ABCC4: variants seen among roughly 807,000 people sequenced by gnomAD.
ABCC4 encodes ATP binding cassette subfamily C member 4 (PEL blood group).
A neutral mutation model predicts 168.5 loss-of-function variants in ABCC4; 102 were observed. The observed-to-expected ratio is 0.61, with a 90% CI of 0.52 to 0.71. ABCC4 has a LOEUF of 0.71. ABCC4 is among the 30% of genes least tolerant of loss of function. The pLI, the probability that ABCC4 is intolerant of heterozygous loss-of-function variation, is 0.00. For synonymous variants in ABCC4, 617 were observed against 590.7 expected, an observed-to-expected ratio of 1.04 and a Z score of -0.65; for missense variants, 1,402 against 1,605.8, an observed-to-expected ratio of 0.87 and a Z score of 2.17.
chr13:95,059,640 C>T (rs2033211488), intron 26 of ABCC4, among the ~76,000 whole-genome samples: 1 of 96,006 alleles, frequency 1.0e-5, no homozygotes, highest in African/African-American at 3.4e-5. Context: ...TTATTGTGCA[C>T]ATTTTTTTTT....
intron 27 of ABCC4, 71 bp downstream of exon 27, chr13:95,053,024 G>T: frequency 7.5e-7 from 1 of 1,332,406 alleles, no homozygotes; most frequent in Non-Finnish European, 1.1e-6. Context: ...TTAATTTCCT[G>T]CAATGCTGTA....
intron 8 of ABCC4, among the ~76,000 whole-genome samples, chr13:95,196,646 A>AAGGG (rs2038444326): frequency 5.6e-5 from 2 of 35,604 alleles, no homozygotes; most frequent in Non-Finnish European, 9.8e-5. Context: ...GGAAGGAAGG[A>AAGGG]AGGAAGGAAG....
chr13:95,072,576 A>G (rs2033769490), intron 24 of ABCC4, among the ~76,000 whole-genome samples: 1 of 152,234 alleles, frequency 6.6e-6, no homozygotes, highest in African/African-American at 2.4e-5. Context: ...CTTTTGCTCT[A>G]TGAGAAGAAT....
chr13:95,050,271 G>A (rs2032771670), intron 27 of ABCC4, among the ~76,000 whole-genome samples: 1 of 152,210 alleles, frequency 6.6e-6, no homozygotes, highest in Non-Finnish European at 1.5e-5. Flanking sequence ...AAGAATTCCT[G>A]ACCTATCAGA....
intron 13 of ABCC4, among the ~76,000 whole-genome samples, chr13:95,173,964 T>C (rs1209506370): frequency 6.6e-6 from 1 of 152,228 alleles, no homozygotes; most frequent in Non-Finnish European, 1.5e-5. Flanking sequence ...AATCTTGTCC[T>C]CCAGAACTGT....
At chr13:95,089,103 A>G (rs1055585996) in intron 20 of ABCC4, among the ~76,000 whole-genome samples, 1 of 152,188 alleles carries the variant, frequency 6.6e-6, no homozygotes, top group Admixed American at 6.5e-5. Flanking sequence ...ATTTCTGGAA[A>G]AATGATGGGC....
intron 30 of ABCC4, among the ~76,000 whole-genome samples, chr13:95,023,715 C>T (rs144610004): frequency 1.1e-4 from 17 of 152,286 alleles, no homozygotes; most frequent in African/African-American, 2.9e-4. Flanking sequence ...GCACACAGAA[C>T]GTGGAGGTAT....
At chr13:95,169,761 T>C (rs2139570471) in intron 14 of ABCC4, among the ~76,000 whole-genome samples, 1 of 152,370 alleles carries the variant, frequency 6.6e-6, no homozygotes, top group East Asian at 1.9e-4. Context: ...AAAATTCCTG[T>C]GCAGTGACAC....
intron 21 of ABCC4, among the ~76,000 whole-genome samples, chr13:95,077,756 C>T (rs537368852): frequency 3.9e-5 from 6 of 152,232 alleles, no homozygotes; most frequent in African/African-American, 1.4e-4. Flanking sequence ...TTTTCTGGGT[C>T]GGACTCTTAG....
At chr13:95,065,587 C>T (rs1447795797) in intron 25 of ABCC4, among the ~76,000 whole-genome samples, 1 of 152,106 alleles carries the variant, frequency 6.6e-6, no homozygotes, top group Non-Finnish European at 1.5e-5. Context: ...TGTTTAGGCT[C>T]CAATATTTTG....
At chr13:95,248,592 ACAT>A (rs2040173488) in intron 1 of ABCC4, among the ~76,000 whole-genome samples, 1 of 152,234 alleles carries the variant, frequency 6.6e-6, no homozygotes, top group South Asian at 2.1e-4. Context: ...ATAATAATTA[ACAT>A]CATTAATCAT....
intron 21 of ABCC4, among the ~76,000 whole-genome samples, chr13:95,079,938 C>T (rs956974418): frequency 6.6e-6 from 1 of 152,340 alleles, no homozygotes; most frequent in East Asian, 1.9e-4. Context: ...TGTTTTATTT[C>T]CAAGGCTGTG....
intron 3 of ABCC4, among the ~76,000 whole-genome samples, chr13:95,236,171 G>A (rs191819787): frequency 5.3e-5 from 8 of 152,058 alleles, no homozygotes; most frequent in East Asian, 3.9e-4. Context: ...CCTCCCTCTC[G>A]AACCCGTTGT....
intron 4 of ABCC4, among the ~76,000 whole-genome samples, chr13:95,226,557 G>A (rs748201362): frequency 2.6e-5 from 4 of 152,120 alleles, no homozygotes; most frequent in Admixed American, 1.3e-4. Flanking sequence ...CCTGGGAAGC[G>A]AATGTGCTTC....
At chr13:95,102,739 GC>G (rs2034856808) in intron 20 of ABCC4, among the ~76,000 whole-genome samples, 1 of 150,850 alleles carries the variant, frequency 6.6e-6, no homozygotes, top group South Asian at 2.1e-4. Context: ...CCCTGCCTCA[GC>G]CCCCCAAGTA....
chr13:95,247,965 G>T (rs1027423707), intron 1 of ABCC4, among the ~76,000 whole-genome samples: 1 of 97,774 alleles, frequency 1.0e-5, no homozygotes, highest in African/African-American at 6.2e-5. Flanking sequence ...CCACAGACAG[G>T]CCCCAGAAGC....
chr13:95,182,392 A>AT (rs1394977605), intron 11 of ABCC4, among the ~76,000 whole-genome samples: 1 of 152,264 alleles, frequency 6.6e-6, no homozygotes. Flanking sequence ...AAAAGAAACT[A>AT]TGCAAAGGGT....
At chr13:95,127,217 C>G (rs1175878959) in intron 19 of ABCC4, among the ~76,000 whole-genome samples, 12 of 152,110 alleles carry the variant, frequency 7.9e-5, no homozygotes, top group African/African-American at 2.9e-4. Flanking sequence ...ACTTTTCCTG[C>G]AGCATCTGAT....
intron 3 of ABCC4, among the ~76,000 whole-genome samples, chr13:95,237,596 G>C (rs2039809672): frequency 6.6e-6 from 1 of 152,156 alleles, no homozygotes; most frequent in South Asian, 2.1e-4. Flanking sequence ...TGGAGTCCCA[G>C]AGTACTTGAA....
Sources: allele counts gnomAD v4.1 joint callset (sites outside exome capture counted in the v4.1 genomes callset), GRCh38; gene constraint gnomAD v4.1.1; transcripts MANE v1.5; gene names NCBI Gene and HGNC (gene_info 2026-07-23, HGNC 2026-07-21).